Variants in OGFR observed in about 807,000 individuals in gnomAD.
OGFR encodes the protein opioid growth factor receptor.
In OGFR, 18 loss-of-function variants were observed where a neutral mutation model predicts 33.6. The ratio of observed to expected loss-of-function variants is 0.54; its 90% CI spans 0.37 to 0.80. The LOEUF (loss-of-function observed/expected upper bound fraction) is 0.80, where lower values mean the gene tolerates loss of function less well. Among genes scored for constraint, OGFR ranks in the 30% least tolerant of loss-of-function variants. The pLI is 0.00. For synonymous variants in OGFR, 370 were observed against 400.7 expected, an observed-to-expected ratio of 0.92 and a Z score of 0.91; for missense variants, 877 against 955.8, an observed-to-expected ratio of 0.92 and a Z score of 1.09.
chr20:62,813,197 G>A lies in OGFR; in HGVS notation c.1582G>A (p.Gly528Arg), dbSNP rs1486026522. 6.5e-7 allele frequency: 1 copy of A among 1,528,656 alleles called. No homozygotes were observed. The allele number at this position is 1,528,656 out of a possible 1,614,324, so 94.7% of individuals were successfully genotyped here. A position where few individuals can be genotyped will look rare whatever the true frequency, so the allele number is the denominator to read the frequency against. ...GGAGACCCCAGGCCCCAGCCCAGCA[G>A]GACCTGCAGGGGACGAGCCAGCCGA... ...PSETPGPSPA[G>R]PAGDEPAESP... The change falls in exon 7 of 7, where the codon GGA (glycine) becomes AGA (arginine). Residue 528 changes from glycine to arginine, a missense_variant. This residue lies in a region of OGFR where 72 missense variants were observed against 181.8 expected (regional missense o/e 0.40). Transcript: ENST00000290291.
chr20:62,812,799 C>T lies in OGFR; in HGVS notation c.1184C>T (p.Pro395Leu), dbSNP rs770601820. The T allele has an allele frequency of 1.1e-5, 18 of 1,612,598 alleles. No homozygotes were observed. The highest frequency in any genetic ancestry group is 1.7e-4 in the Middle Eastern group (1 of 6,060). The change falls in exon 7 of 7, where the codon CCG becomes CTG. Residue 395 changes from proline (P) to leucine (L), a missense_variant. Transcript: ENST00000290291. ...CTGGAGCTGAGCCGGCGGGAGCAGC[C>T]GCCCACAGAGCCAGGCCCTCAGAGT... is the stretch of plus-strand genomic sequence containing the variant. ...RKLELSRREQ[P>L]PTEPGPQSAS...
At position 62,812,564 on chromosome 20, in the gene OGFR, G is replaced by A. The variant is rs114957005; in HGVS notation, c.949G>A (p.Gly317Arg). 500 of 1,580,352 alleles carry A rather than the reference G, an allele frequency of 3.2e-4. 2 individuals carry two copies. The African/African-American group carries it at 5.8e-3, about 18-fold the overall frequency. The change falls in exon 7 of 7, where the codon GGG becomes AGG. Residue 317 changes from glycine to arginine, a missense_variant. Gly to Arg is a moderately radical substitution (Grantham distance 125). Transcript: ENST00000290291. ...GAAGGTGGAGGAGGAAGGAAGCCCC[G>A]GGGACCCCGACCACGAGGCCAGCAC... The part of the protein sequence containing the change: ...SRKVEEEGSP[G>R]DPDHEASTQG...
chr20:62,807,454 C>A, intron 1 of OGFR, 83 bp from the exon 2 acceptor site: 2 of 1,227,140 alleles, frequency 1.6e-6, no homozygotes, highest in Non-Finnish European at 2.4e-6. Context: ...TGGCAGCTGG[C>A]CCAGGCCCTG....
At chr20:62,807,950 A>G in intron 2 of OGFR, 1 of 599,844 alleles carries the variant, frequency 1.7e-6, no homozygotes, top group Non-Finnish European at 3.0e-6. Flanking sequence ...GGTTGTCCTC[A>G]GCCATTACCC....
intron 1 of OGFR, 156 bp from the exon 2 acceptor site, chr20:62,807,378 AAAG>A (rs1158183826): frequency 9.1e-6 from 6 of 662,490 alleles, no homozygotes; most frequent in South Asian, 3.7e-5. Context: ...AACCCCCAAA[AAAG>A]AGCCAGGGCA....
chr20:62,809,929 G>A (rs966662639), intron 4 of OGFR, among the ~76,000 whole-genome samples: 3 of 152,258 alleles, frequency 2.0e-5, no homozygotes, highest in Non-Finnish European at 4.4e-5. Flanking sequence ...AACAGGAGAG[G>A]GGGCAGGCAC....
At position 62,811,626 on chromosome 20, in the gene OGFR, T is replaced by TGGGCCCC; in HGVS notation, c.614+16_614+17insGGGCCCC. 2.0e-6 allele frequency: 3 copies of TGGGCCCC among 1,502,482 alleles called. No homozygotes were observed. The highest frequency in any genetic ancestry group is 2.7e-6 in the Non-Finnish European group (3 of 1,110,088). The allele number at this position is 1,502,482 out of a possible 1,614,324, so 93.1% of individuals were successfully genotyped here. A position where few individuals can be genotyped will look rare whatever the true frequency, so the allele number is the denominator to read the frequency against. ...ACCTGAACTGGTGAGGCCCGGCTGC[T>TGGGCCCC]CCCGCCCACCCCCACCCCGGCGCAG... On this transcript the variant is annotated intron_variant, in intron 6 of 6. Coordinates refer to ENST00000290291, the MANE Select transcript of OGFR (RefSeq NM_007346.4).
chr20:62,813,093 C>T lies in OGFR; in HGVS notation c.1478C>T (p.Ala493Val). The T allele has an allele frequency of 6.3e-7, 1 of 1,579,496 alleles. No homozygotes were observed. Among genetic ancestry groups the T allele is most frequent in the East Asian group, 2.3e-5 (1 of 42,988 alleles). ...GSPAPSGHPKAGHSENGVEED... is the reference protein window; with the variant it reads ...GSPAPSGHPKVGHSENGVEED... ...CCTGCCCCATCGGGGCACCCCAAGGCTGGACACAGTGAGAACGGGGTTGAG... is the reference window on the plus strand; with the variant it reads ...CCTGCCCCATCGGGGCACCCCAAGGTTGGACACAGTGAGAACGGGGTTGAG... Residue 493 changes from alanine to valine, a missense_variant, in exon 7 of 7, where the codon GCT becomes GTT. Ala to Val is a moderately conservative substitution (Grantham distance 64). Around this residue, in one of 3 missense-constraint regions of OGFR, gnomAD observed 760 missense variants for 736.0 expected, o/e 1.03. Transcript: ENST00000290291.
Position 62,812,487 on chromosome 20 carries a change from A to G in OGFR, c.872A>G (p.Lys291Arg). 6.3e-7 allele frequency: 1 copy of G among 1,579,846 alleles called. No homozygotes were observed. The highest frequency in any genetic ancestry group is 2.3e-5 in the East Asian group (1 of 43,056). Reference sequence around the variant, plus strand: ...AAGTTCGTCTGGGGGCCCCAAGACAAGCTGCGGAGGTTCAAGCCCAGCTCT... The same window carrying G: ...AAGTTCGTCTGGGGGCCCCAAGACAGGCTGCGGAGGTTCAAGCCCAGCTCT... ...RCKFVWGPQDKLRRFKPSSLP... is the reference protein window; with the variant it reads ...RCKFVWGPQDRLRRFKPSSLP... Residue 291 changes from lysine to arginine, a missense_variant, in exon 7 of 7, where the codon AAG becomes AGG. Transcript: ENST00000290291.
chr20:62,811,656 G>A (rs1301540543), intron 6 of OGFR, 46 bp downstream of exon 6: 7 of 1,325,852 alleles, frequency 5.3e-6, no homozygotes, highest in Non-Finnish European at 7.0e-6. Context: ...GCGCAGAACA[G>A]GGCCACGTCA....
chr20:62,811,310 C>A, intron 5 of OGFR, 152 bp from the exon 6 acceptor site: 1 of 863,510 alleles, frequency 1.2e-6, no homozygotes, highest in Non-Finnish European at 1.8e-6. Context: ...CCAGCCTGGG[C>A]AACAGAGCAA....
chr20:62,810,401 G>A, intron 4 of OGFR, 98 bp from the exon 5 acceptor site: 1 of 1,190,786 alleles, frequency 8.4e-7, no homozygotes, highest in Non-Finnish European at 1.2e-6. Context: ...TGGGAACCCA[G>A]AGGGGATTGG....
At chr20:62,808,194 AG>A in intron 2 of OGFR, 52 bp from the exon 3 acceptor site, 1 of 1,397,974 alleles carries the variant, frequency 7.2e-7, no homozygotes, top group Non-Finnish European at 1.0e-6. Context: ...GGAGGGCCCC[AG>A]GGCAGCTTGT....
intron 3 of OGFR, among the ~76,000 whole-genome samples, chr20:62,808,611 G>T (rs1241061026): frequency 6.6e-6 from 1 of 152,170 alleles, no homozygotes; most frequent in Non-Finnish European, 1.5e-5. Context: ...ACTCCTGCAC[G>T]ACCTCATGAA....
chr20:62,812,151 G>T, intron 6 of OGFR, 79 bp from the exon 7 acceptor site: 1 of 1,288,556 alleles, frequency 7.8e-7, no homozygotes, highest in Non-Finnish European at 1.0e-6. Context: ...GAGCCGGGTG[G>T]GAGGGCAGGC....
chr20:62,807,755 T>C (rs1990629782), intron 2 of OGFR, 150 bp downstream of exon 2: 3 of 747,666 alleles, frequency 4.0e-6, no homozygotes, highest in Non-Finnish European at 6.7e-6. Context: ...CACAGCCTGG[T>C]ATAGATTCAG....
intron 6 of OGFR, 31 bp from the exon 7 acceptor site, chr20:62,812,199 A>G (rs1379752657): frequency 6.9e-7 from 1 of 1,456,422 alleles, no homozygotes; most frequent in South Asian, 1.4e-5. Flanking sequence ...GGCCCCAGCC[A>G]TTGACCTCTC....
chr20:62,807,504 T>G (rs1448283484), intron 1 of OGFR, 33 bp from the exon 2 acceptor site: 2 of 1,604,088 alleles, frequency 1.2e-6, no homozygotes, highest in African/African-American at 2.7e-5. Context: ...GGGTCTCCCA[T>G]GGGGGTCCTA....
At chr20:62,808,974 C>CAAAA (rs5842400) in intron 3 of OGFR, among the ~76,000 whole-genome samples, 26 of 68,412 alleles carry the variant, frequency 3.8e-4, no homozygotes, top group Non-Finnish European at 3.2e-4. Context: ...GACTCTGTCT[C>CAAAA]AAAAAAAAAA....
Sources: allele counts gnomAD v4.1 joint callset (sites outside exome capture counted in the v4.1 genomes callset), GRCh38; gene constraint gnomAD v4.1.1; regional missense constraint gnomAD v4.1.1; transcripts MANE v1.5; gene names NCBI Gene and HGNC (gene_info 2026-07-23, HGNC 2026-07-21).